The following RBFOX2 variants were observed in gnomAD, a reference collection of about 807,000 sequenced individuals.
RBFOX2 encodes RNA binding fox-1 homolog 2, also known as RNA binding protein fox-1 homolog 2.
Under a neutral mutation model 49.1 loss-of-function variants are expected in RBFOX2, and 10 were observed. The ratio of observed to expected loss-of-function variants is 0.20; its 90% CI spans 0.13 to 0.35. The LOEUF (loss-of-function observed/expected upper bound fraction) is 0.35. Ranked by LOEUF, RBFOX2 falls within the 10% of genes least tolerant of loss-of-function variation. The pLI is 1.00. For missense variants in RBFOX2, 323 were observed against 486.9 expected (o/e 0.66, Z 3.17); for synonymous variants, 183 against 187.4 (o/e 0.98, Z 0.19).
At chr22:35,984,269 G>A (rs868229846) in intron 1 of RBFOX2, among the ~76,000 whole-genome samples, 1 of 152,190 alleles carries the variant, frequency 6.6e-6, no homozygotes, top group African/African-American at 2.4e-5. Context: ...TATGGCCTAA[G>A]CACTGAAATG....
At chr22:35,981,049 TAAGA>T (rs1234071479) in intron 1 of RBFOX2, among the ~76,000 whole-genome samples, 1 of 152,142 alleles carries the variant, frequency 6.6e-6, no homozygotes, top group African/African-American at 2.4e-5. Flanking sequence ...ACATAAATAC[TAAGA>T]AAGAAGCCTT....
intron 1 of RBFOX2, chr22:35,822,680 GC>G (rs1336754664): frequency 2.7e-6 from 1 of 364,788 alleles, no homozygotes; most frequent in African/African-American, 2.2e-5. Flanking sequence ...AGTGCAGAAT[GC>G]CCTCCCTCTC....
rs1394271067 is a variant in RBFOX2 at position 35,951,006 on chromosome 22, T to G, written c.42+10557A>C. Among the ~76,000 whole-genome samples the G allele has an allele frequency of 4.7e-5, 7 of 148,960 alleles. No homozygotes were observed. The East Asian group carries it at 1.4e-3, about 29-fold the overall frequency. On this transcript the variant is annotated intron_variant, in intron 1 of 5. Transcript: ENST00000408983. ...TCTCACTCTGTTGCCCAGGCTGGAG[T>G]GCAGTGGTACAATCACAGCTCACTG...
intron 2 of RBFOX2, among the ~76,000 whole-genome samples, chr22:35,806,383 A>G (rs1320691261): frequency 6.6e-6 from 1 of 152,212 alleles, no homozygotes; most frequent in Non-Finnish European, 1.5e-5. Flanking sequence ...TACAGGTATA[A>G]TATGTATGAC....
chr22:35,748,074 TTATA>T (rs1269329276), intron 9 of RBFOX2: 1 of 152,324 alleles, frequency 6.6e-6, no homozygotes, highest in South Asian at 2.1e-4. Context: ...TGCTTCTTCC[TTATA>T]TAATTTATGC....
chr22:35,794,151 T>C (rs527276229), intron 2 of RBFOX2, among the ~76,000 whole-genome samples: 17 of 152,286 alleles, frequency 1.1e-4, no homozygotes, highest in African/African-American at 4.1e-4. Flanking sequence ...GCTAGAGTCC[T>C]AGGTTAAAAG....
chr22:35,909,614 G>A (rs933285538), intron 1 of RBFOX2, among the ~76,000 whole-genome samples: 6 of 152,102 alleles, frequency 3.9e-5, no homozygotes, highest in African/African-American at 7.2e-5. Flanking sequence ...CAATGTCTCC[G>A]AGCAATGTCT....
chr22:35,993,249 T>C (rs2058054521), intron 1 of RBFOX2: 1 of 152,192 alleles, frequency 6.6e-6, no homozygotes, highest in Non-Finnish European at 1.5e-5. Flanking sequence ...CAAGTAATAC[T>C]GAAATAGCAG....
At chr22:35,863,354 G>A (rs952952272) in intron 1 of RBFOX2, among the ~76,000 whole-genome samples, 5 of 152,134 alleles carry the variant, frequency 3.3e-5, no homozygotes, top group South Asian at 2.1e-4. Flanking sequence ...TGATTTTTAT[G>A]CCAAAGCAAA....
chr22:35,793,151 C>G (rs530180721), intron 2 of RBFOX2, among the ~76,000 whole-genome samples: 2 of 152,238 alleles, frequency 1.3e-5, no homozygotes, highest in East Asian at 1.9e-4. Context: ...GCGGGTGGAT[C>G]ACCTGAGGTC....
At chr22:36,009,427 A>G (rs2058731074) in intron 1 of RBFOX2, among the ~76,000 whole-genome samples, 1 of 152,142 alleles carries the variant, frequency 6.6e-6, no homozygotes, top group South Asian at 2.1e-4. Context: ...AGCCTGGAGT[A>G]CAGTGGTGCA....
At chr22:35,879,695 T>C (rs952791102) in intron 1 of RBFOX2, among the ~76,000 whole-genome samples, 3 of 152,192 alleles carry the variant, frequency 2.0e-5, no homozygotes, top group African/African-American at 7.2e-5. Flanking sequence ...GCGAAACACA[T>C]CAGTGGATTT....
chr22:36,010,210 C>A (rs1451684460), intron 1 of RBFOX2, among the ~76,000 whole-genome samples: 2 of 152,120 alleles, frequency 1.3e-5, no homozygotes, highest in African/African-American at 4.8e-5. Flanking sequence ...CATGGAGTAA[C>A]CTGAGCCCCT....
chr22:35,808,040 G>GA (rs200937442), intron 2 of RBFOX2, among the ~76,000 whole-genome samples: 878 of 148,634 alleles, frequency 5.9e-3, no homozygotes, highest in Non-Finnish European at 9.6e-3. Flanking sequence ...GAATAAAAAT[G>GA]AAAAAAAAAC....
At chr22:35,886,277 G>A (rs1649809207) in intron 1 of RBFOX2, among the ~76,000 whole-genome samples, 1 of 152,056 alleles carries the variant, frequency 6.6e-6, no homozygotes, top group African/African-American at 2.4e-5. Context: ...TCAATTACAA[G>A]TAACATATGT....
chr22:35,884,859 T>C (rs1439536162), intron 1 of RBFOX2, among the ~76,000 whole-genome samples: 1 of 152,170 alleles, frequency 6.6e-6, no homozygotes, highest in Non-Finnish European at 1.5e-5. Context: ...GAAGCAAGAC[T>C]GCGCATTTGA....
intron 1 of RBFOX2, among the ~76,000 whole-genome samples, chr22:35,985,465 T>A (rs1000863699): frequency 1.3e-5 from 2 of 152,168 alleles, no homozygotes; most frequent in African/African-American, 4.8e-5. Flanking sequence ...AGCCACTATT[T>A]AGCTCCTGCA....
At chr22:35,909,585 C>T (rs145540410) in intron 1 of RBFOX2, among the ~76,000 whole-genome samples, 169 of 152,228 alleles carry the variant, frequency 1.1e-3, no homozygotes, top group African/African-American at 4.0e-3. Context: ...TAGTATGCAA[C>T]AATCTATCAT....
intron 1 of RBFOX2, chr22:35,824,220 C>T (rs890299361): frequency 6.6e-6 from 1 of 151,976 alleles, no homozygotes; most frequent in Non-Finnish European, 1.5e-5. Flanking sequence ...CAAACACACC[C>T]AGCACTATAT....
Sources: gnomAD v4.1 joint callset for allele counts (sites outside exome capture counted in the v4.1 genomes callset) on GRCh38, gnomAD v4.1.1 for gene constraint, MANE v1.5 for transcripts, NCBI Gene and HGNC (gene_info 2026-07-23, HGNC 2026-07-21) for gene names.